BIRC2: variants seen among roughly 807,000 people sequenced by gnomAD.
BIRC2 encodes the protein baculoviral IAP repeat containing 2, also known as baculoviral IAP repeat-containing protein 2.
BIRC2 carries 18 observed loss-of-function variants against 60.9 expected under a neutral mutation model. The ratio of observed to expected loss-of-function variants is 0.30; its 90% CI spans 0.20 to 0.44. The LOEUF is 0.44. BIRC2 is among the 20% of genes least tolerant of loss of function. The pLI is 1.00. For synonymous variants in BIRC2, 282 were observed against 247.7 expected (o/e 1.14, Z -1.30); for missense variants, 701 against 728.5 (o/e 0.96, Z 0.43).
At chr11:102,365,107 A>C (rs1356488625) in intron 5 of BIRC2, among the ~76,000 whole-genome samples, 2 of 152,188 alleles carry the variant, frequency 1.3e-5, no homozygotes, top group African/African-American at 4.8e-5. Context: ...CAAAACCACT[A>C]GGCTACATAA....
Position 102,349,871 on chromosome 11 carries a change from C to G in BIRC2, c.17C>G (p.Ser6Cys), listed in dbSNP as rs1951333764. ...CACCTACTCATGCACAAAACTGCCT[C>G]CCAAAGACTTTTCCCAGGTCCCTCG... Reference protein sequence around the residue: MHKTASQRLFPGPSYQ... With the variant: MHKTACQRLFPGPSYQ... The change falls in exon 2 of 9, where the codon TCC (serine) becomes TGC (cysteine). Residue 6 changes from serine to cysteine, a missense_variant. Coordinates refer to ENST00000227758, the MANE Select transcript of BIRC2 (RefSeq NM_001166.5). 6.2e-7 allele frequency: 1 copy of G among 1,607,366 alleles called. No homozygotes were observed. The highest frequency in any genetic ancestry group is 1.1e-5 in the South Asian group (1 of 89,982).
At chr11:102,364,484 G>T (rs1943780) in intron 5 of BIRC2, among the ~76,000 whole-genome samples, 12,275 of 152,168 alleles carry the variant, frequency 0.081, 666 homozygotes, top group Admixed American at 0.15. Flanking sequence ...AGTCAGGTAT[G>T]TTGTATTTCA....
chr11:102,362,414 G>GAT (rs1166902416), intron 3 of BIRC2, among the ~76,000 whole-genome samples: 1 of 152,140 alleles, frequency 6.6e-6, no homozygotes, highest in Non-Finnish European at 1.5e-5. Context: ...ATTATATATA[G>GAT]ATAAAAATAT....
chr11:102,369,061 A>G (rs1951589171), intron 6 of BIRC2, among the ~76,000 whole-genome samples: 1 of 152,088 alleles, frequency 6.6e-6, no homozygotes, highest in Non-Finnish European at 1.5e-5. Context: ...TAACAGGAAA[A>G]CTGATTTTTG....
rs1951351304 is a variant in BIRC2, at chr11:102,350,892, G to A, written c.944G>A (p.Cys315Tyr). 1.9e-6 allele frequency: 3 copies of A among 1,614,132 alleles called. No individual in the cohort carries two copies. Among genetic ancestry groups the A allele is most frequent in the East Asian group, 2.2e-5 (1 of 44,886 alleles). Residue 315 changes from cysteine to tyrosine, a missense_variant, in exon 3 of 9, where the codon TGT (cysteine) becomes TAT (tyrosine). Physicochemically the swap from Cys to Tyr is radical, Grantham distance 194 (BLOSUM62 -2). Transcript: ENST00000227758. ...TTTTGTTGTGATGGTGGCTTGAGGTGTTGGGAATCTGGAGATGATCCATGG... is the reference window on the plus strand; with the variant it reads ...TTTTGTTGTGATGGTGGCTTGAGGTATTGGGAATCTGGAGATGATCCATGG... ...KCFCCDGGLR[C>Y]WESGDDPWVE...
intron 1 of BIRC2, chr11:102,347,832 T>G (rs922968170): frequency 6.6e-6 from 1 of 152,242 alleles, no homozygotes; most frequent in Admixed American, 6.5e-5. Flanking sequence ...GAAGCAACTC[T>G]GGGAAATTAT....
rs762931142 is a variant in BIRC2 at position 102,377,763 on chromosome 11, G to A, written c.1621+13G>A. 9.4e-6 allele frequency: 15 copies of A among 1,592,866 alleles called. No homozygotes were observed. The highest frequency in any genetic ancestry group is 1.1e-5 in the Non-Finnish European group (13 of 1,175,402). ...AAGAACTTATTTGGTGAGTTTGTTGGGAAAATTATTTTAGAAATTCTTAGG... is the reference window on the plus strand; with the variant it reads ...AAGAACTTATTTGGTGAGTTTGTTGAGAAAATTATTTTAGAAATTCTTAGG... On this transcript the variant is annotated intron_variant, in intron 7 of 8. Coordinates refer to ENST00000227758, the MANE Select transcript of BIRC2 (RefSeq NM_001166.5).
At chr11:102,354,935 A>G (rs1951403448) in intron 3 of BIRC2, among the ~76,000 whole-genome samples, 1 of 128,244 alleles carries the variant, frequency 7.8e-6, no homozygotes, top group African/African-American at 2.9e-5. Context: ...TCTAACCTGA[A>G]TTATTTGGGT....
intron 3 of BIRC2, among the ~76,000 whole-genome samples, chr11:102,354,202 G>T (rs1951394502): frequency 1.3e-5 from 2 of 152,088 alleles, no homozygotes; most frequent in Admixed American, 6.6e-5. Context: ...GCAGATGGTA[G>T]GATTTTATTT....
intron 6 of BIRC2, among the ~76,000 whole-genome samples, chr11:102,374,970 A>C (rs1213864512): frequency 6.6e-6 from 1 of 152,130 alleles, no homozygotes; most frequent in African/African-American, 2.4e-5. Context: ...TCGGAAAGGG[A>C]ACTCCTTGAC....
intron 3 of BIRC2, among the ~76,000 whole-genome samples, chr11:102,360,924 T>A (rs1951478699): frequency 6.6e-6 from 1 of 152,108 alleles, no homozygotes; most frequent in Admixed American, 6.5e-5. Context: ...CAGATCATTG[T>A]CAGTGAGGAT....
rs1407843196 is a variant in BIRC2, at chr11:102,350,196, G to A, written c.342G>A (p.Gln114=). 3 of 1,614,176 alleles carry A rather than the reference G, an allele frequency of 1.9e-6. No individual in the cohort carries two copies. Among genetic ancestry groups the A allele is most frequent in the Non-Finnish European group, 2.5e-6 (3 of 1,180,038 alleles). The change falls in exon 2 of 9, where the codon CAG becomes CAA. Residue 114 remains glutamine, a synonymous_variant. Coordinates refer to ENST00000227758, the MANE Select transcript of BIRC2 (RefSeq NM_001166.5). ...KQLYPSCSFI[Q]NLVSASLGST... ...TATATCCTAGCTGTAGCTTTATTCA[G>A]AATCTGGTTTCAGCTAGTCTGGGAT...
chr11:102,359,217 T>TA (rs1256884489), intron 3 of BIRC2, among the ~76,000 whole-genome samples: 1 of 152,206 alleles, frequency 6.6e-6, no homozygotes, highest in Non-Finnish European at 1.5e-5. Flanking sequence ...TCAATTGCAT[T>TA]AAAAAACTGT....
Position 102,349,264 on chromosome 11 carries a change from G to C in BIRC2, c.-591G>C, listed in dbSNP as rs1433640109. ...AGCCCACTTAAGTAAATACTATGAT[G>C]ATAAGCTGTGTGAACTTAGCTTTTA... On this transcript the variant is annotated 5_prime_UTR_variant, in exon 2 of 9. It removes an upstream start codon present in the reference 5' UTR. Transcript: ENST00000227758. 5 of 152,362 alleles carry C rather than the reference G, an allele frequency of 3.3e-5. No homozygotes were observed. Among genetic ancestry groups the C allele is most frequent in the Non-Finnish European group, 7.3e-5 (5 of 68,164 alleles). The allele number at this position is 152,362 out of a possible 1,614,324, so 9.4% of individuals were successfully genotyped here.
At chr11:102,363,218 G>A (rs527596890) in intron 4 of BIRC2, among the ~76,000 whole-genome samples, 1 of 152,080 alleles carries the variant, frequency 6.6e-6, no homozygotes, top group African/African-American at 2.4e-5. Context: ...TGATTTTTGA[G>A]GGCTTTTTAA....
rs1378648118 is a variant in BIRC2, at chr11:102,368,453, A to T, written c.1271A>T (p.Tyr424Phe). Residue 424 changes from tyrosine to phenylalanine, a missense_variant, in exon 6 of 9, where the codon TAT becomes TTT. Physicochemically the swap from Tyr to Phe is conservative, Grantham distance 22. Around this residue, in one of 4 missense-constraint regions of BIRC2, gnomAD observed 235 missense variants for 208.9 expected, o/e 1.12. Transcript: ENST00000227758. ...AAAATCCTGACAACTGGAGAGAACT[A>T]TAAAACAGTTAATGATATTGTGTCA... ...QSKILTTGEN[Y>F]KTVNDIVSAL... is the part of the protein sequence containing the mutation. The T allele has an allele frequency of 6.2e-7, 1 of 1,614,070 alleles. No homozygotes were observed. The highest frequency in any genetic ancestry group is 8.5e-7 in the Non-Finnish European group (1 of 1,179,978).
chr11:102,351,076 A>C (rs1951353189), intron 3 of BIRC2, 133 bp downstream of exon 3: 2 of 808,318 alleles, frequency 2.5e-6, no homozygotes, highest in South Asian at 3.9e-5. Flanking sequence ...TCCTTCTAAA[A>C]GATCACATTT....
At chr11:102,361,929 GT>G (rs1258620639) in intron 3 of BIRC2, among the ~76,000 whole-genome samples, 2 of 147,080 alleles carry the variant, frequency 1.4e-5, no homozygotes, top group Non-Finnish European at 3.0e-5. Context: ...TCTGTTTGTT[GT>G]TTTTTGTGGG....
chr11:102,353,297 C>A (rs1246190540), intron 3 of BIRC2, among the ~76,000 whole-genome samples: 1 of 152,072 alleles, frequency 6.6e-6, no homozygotes, highest in Non-Finnish European at 1.5e-5. Context: ...TTTGTAAATG[C>A]TTCTCTGAAA....
Sources: allele counts gnomAD v4.1 joint callset (sites outside exome capture counted in the v4.1 genomes callset), GRCh38; gene constraint gnomAD v4.1.1; regional missense constraint gnomAD v4.1.1; transcripts MANE v1.5; gene names NCBI Gene and HGNC (gene_info 2026-07-23, HGNC 2026-07-21).